TEKT5: variants seen among roughly 807,000 people sequenced by gnomAD.
TEKT5 encodes tektin-5.
A neutral mutation model predicts 48.7 loss-of-function variants in TEKT5; 52 were observed. The ratio of observed to expected loss-of-function variants is 1.07; its 90% CI spans 0.86 to 1.35. The LOEUF (loss-of-function observed/expected upper bound fraction) is 1.35. TEKT5 is among the 40% of genes most tolerant of loss of function. The pLI, the probability that TEKT5 is intolerant of heterozygous loss-of-function variation, is 0.00. For missense variants in TEKT5, 831 were observed against 641.6 expected, an observed-to-expected ratio of 1.30 and a Z score of -3.19; for synonymous variants, 318 against 267.6, an observed-to-expected ratio of 1.19 and a Z score of -1.84.
chr16:10,693,163 T>C (rs1403535132), intron 1 of TEKT5, among the ~76,000 whole-genome samples: 2 of 152,216 alleles, frequency 1.3e-5, no homozygotes, highest in Non-Finnish European at 2.9e-5. Flanking sequence ...TGGCGCAATC[T>C]CAGCTCACTG....
chr16:10,640,074 C>CTTCTTCTCCTTCCTT (rs1897970929), intron 5 of TEKT5, among the ~76,000 whole-genome samples: 1 of 136,556 alleles, frequency 7.3e-6, no homozygotes, highest in Admixed American at 7.4e-5. Context: ...TTTCTTTCTC[C>CTTCTTCTCCTTCCTT]TTCTTCTCCT....
At chr16:10,675,867 C>G (rs934615133) in intron 5 of TEKT5, 92 bp downstream of exon 5, 3 of 1,321,356 alleles carry the variant, frequency 2.3e-6, no homozygotes, top group Non-Finnish European at 3.2e-6. Flanking sequence ...GCACCAGGGG[C>G]AGGGCCAGCT....
In TEKT5 at chr16:10,627,774, C is replaced by T. The variant is rs767747868; in HGVS notation, c.1267G>A (p.Asp423Asn). 10 of 1,614,018 alleles carry T rather than the reference C, an allele frequency of 6.2e-6. No homozygotes were observed. Among genetic ancestry groups the T allele is most frequent in the East Asian group, 2.2e-5 (1 of 44,892 alleles). The change falls in exon 7 of 7, where the codon GAC (aspartate) becomes AAC (asparagine). Residue 423 changes from aspartate to asparagine, a missense_variant. Physicochemically the swap from Asp to Asn is conservative, Grantham distance 23. Transcript: ENST00000283025. ...LKLVNEVFTI[D>N]DTLQTLKLRL... ...AGCTTGAGGGTCTGCAGGGTGTCGT[C>T]GATGGTGAACACCTCGTTCACCAGC...
At chr16:10,667,159 T>C (rs765930128) in intron 5 of TEKT5, among the ~76,000 whole-genome samples, 18 of 151,668 alleles carry the variant, frequency 1.2e-4, no homozygotes, top group African/African-American at 7.3e-5. Flanking sequence ...AATTTTTATG[T>C]TTTTTGTAGA....
At chr16:10,690,128 C>A in intron 1 of TEKT5, 103 bp from the exon 2 acceptor site, 2 of 1,285,068 alleles carry the variant, frequency 1.6e-6, no homozygotes. Flanking sequence ...TCCTTTCTCC[C>A]GGAAACCTGG....
At chr16:10,637,572 A>T (rs940534473) in intron 5 of TEKT5, among the ~76,000 whole-genome samples, 4 of 152,230 alleles carry the variant, frequency 2.6e-5, no homozygotes, top group African/African-American at 9.6e-5. Context: ...AATTTATGAA[A>T]GTGCAGATCT....
At chr16:10,645,441 G>A (rs1228085025) in intron 5 of TEKT5, among the ~76,000 whole-genome samples, 2 of 152,170 alleles carry the variant, frequency 1.3e-5, no homozygotes, top group African/African-American at 2.4e-5. Flanking sequence ...GACCCCAGGA[G>A]GTGAAGGCTG....
At chr16:10,688,610 G>A (rs1263165159) in intron 3 of TEKT5, among the ~76,000 whole-genome samples, 1 of 152,244 alleles carries the variant, frequency 6.6e-6, no homozygotes, top group East Asian at 1.9e-4. Flanking sequence ...GCCAGCTGCA[G>A]GTGGAGGTGA....
intron 2 of TEKT5, 103 bp from the exon 3 acceptor site, chr16:10,689,426 C>A (rs1251460892): frequency 5.0e-6 from 5 of 1,005,264 alleles, no homozygotes; most frequent in Non-Finnish European, 6.0e-6. Flanking sequence ...ACTGACCACC[C>A]TCGACCCCAG....
At chr16:10,676,679 C>T (rs370419613) in intron 4 of TEKT5, among the ~76,000 whole-genome samples, 12 of 152,144 alleles carry the variant, frequency 7.9e-5, no homozygotes, top group East Asian at 3.9e-4. Context: ...CCTAACTCTG[C>T]GATGGGAATG....
intron 6 of TEKT5, among the ~76,000 whole-genome samples, chr16:10,629,490 A>G (rs1469114362): frequency 6.6e-6 from 1 of 152,156 alleles, no homozygotes; most frequent in Non-Finnish European, 1.5e-5. Flanking sequence ...AGCTCAGGCA[A>G]TCCGCCAGTC....
intron 6 of TEKT5, among the ~76,000 whole-genome samples, chr16:10,633,314 T>C (rs567425302): frequency 6.6e-6 from 1 of 151,874 alleles, no homozygotes; most frequent in Non-Finnish European, 1.5e-5. Context: ...TGAGCCAAGA[T>C]CGTGCCACTG....
At chr16:10,643,001 G>A (rs988687446) in intron 5 of TEKT5, among the ~76,000 whole-genome samples, 1 of 152,222 alleles carries the variant, frequency 6.6e-6, no homozygotes, top group Admixed American at 6.5e-5. Flanking sequence ...AAGAAATGAT[G>A]TTTGAGATGA....
intron 5 of TEKT5, among the ~76,000 whole-genome samples, chr16:10,671,419 C>T (rs1246359396): frequency 2.6e-5 from 4 of 152,216 alleles, no homozygotes; most frequent in South Asian, 2.1e-4. Context: ...ATAAAGAAAA[C>T]GTGGTATAGA....
In TEKT5 at chr16:10,631,376, G is replaced by A. The variant is rs1014435181; in HGVS notation, c.1242-3577C>T. Reference sequence around the variant, plus strand: ...GTGGGGGCGGGGGAGGGTTGAAACAGGGGAATGGCATGCTGACTCGAGTTT... The same window carrying A: ...GTGGGGGCGGGGGAGGGTTGAAACAAGGGAATGGCATGCTGACTCGAGTTT... On this transcript the variant is annotated intron_variant, in intron 6 of 6. Coordinates refer to ENST00000283025, the MANE Select transcript of TEKT5 (RefSeq NM_144674.2). Among the ~76,000 whole-genome samples the A allele has an allele frequency of 2.0e-5, 3 of 147,792 alleles. No homozygotes were observed. The East Asian group carries it at 5.9e-4, about 29-fold the overall frequency.
intron 4 of TEKT5, among the ~76,000 whole-genome samples, chr16:10,680,458 T>C (rs79177079): frequency 5.3e-4 from 21 of 39,672 alleles, no homozygotes; most frequent in South Asian, 1.6e-3. Context: ...GTGCTAGGGA[T>C]TTTTTTTTTT....
chr16:10,633,449 G>A (rs1040694115), intron 6 of TEKT5, among the ~76,000 whole-genome samples: 7 of 152,160 alleles, frequency 4.6e-5, no homozygotes, highest in Non-Finnish European at 8.8e-5. Context: ...CGAAGAAGCA[G>A]GGGCAGAGGG....
intron 4 of TEKT5, among the ~76,000 whole-genome samples, chr16:10,677,382 G>T (rs1367439038): frequency 6.8e-6 from 1 of 147,276 alleles, no homozygotes; most frequent in African/African-American, 2.7e-5. Flanking sequence ...GCCCGAGGCG[G>T]GCGGATCACT....
At chr16:10,649,498 A>G (rs534378020) in intron 5 of TEKT5, among the ~76,000 whole-genome samples, 1 of 152,104 alleles carries the variant, frequency 6.6e-6, no homozygotes, top group East Asian at 1.9e-4. Context: ...CAGTGGCTCA[A>G]TTTCTCCTCA....
Sources: gnomAD v4.1 joint callset for allele counts (sites outside exome capture counted in the v4.1 genomes callset) on GRCh38, gnomAD v4.1.1 for gene constraint, MANE v1.5 for transcripts, NCBI Gene and HGNC (gene_info 2026-07-23, HGNC 2026-07-21) for gene names.